Variants in GLIS2 observed in about 807,000 individuals in gnomAD.
The protein encoded by GLIS2 is zinc finger protein GLIS2.
In GLIS2, 14 loss-of-function variants were observed where a neutral mutation model predicts 35.6. The observed-to-expected ratio is 0.39, with a 90% CI of 0.26 to 0.61. The LOEUF is 0.61. Among genes scored for constraint, GLIS2 ranks in the 20% least tolerant of loss-of-function variants. GLIS2 has a pLI of 0.48. For synonymous variants in GLIS2, 368 were observed against 325.1 expected, an observed-to-expected ratio of 1.13 and a Z score of -1.42; for missense variants, 675 against 713.4, an observed-to-expected ratio of 0.95 and a Z score of 0.61.
chr16:4,316,700 G>T (rs1387724190), intron 1 of GLIS2, among the ~76,000 whole-genome samples: 1 of 152,100 alleles, frequency 6.6e-6, no homozygotes, highest in African/African-American at 2.4e-5. Context: ...TTTGGAAGGT[G>T]CCTCCTCCCT....
At chr16:4,317,368 A>T (rs982800118) in intron 1 of GLIS2, among the ~76,000 whole-genome samples, 1 of 152,138 alleles carries the variant, frequency 6.6e-6, no homozygotes, top group South Asian at 2.1e-4. Context: ...CACCCTGGGT[A>T]GTAGGCCGCC....
rs1445378961 is a variant in GLIS2 at position 4,337,281 on chromosome 16, G to A, written c.1332G>A (p.Gly444=). 3.9e-6 allele frequency: 6 copies of A among 1,551,878 alleles called. No individual in the cohort carries two copies. The East Asian group carries it at 1.5e-4, about 38-fold the overall frequency. The change falls in exon 7 of 7, where the codon GGG becomes GGA. Residue 444 remains glycine (G), a synonymous_variant. Transcript: ENST00000433375. ...GCGCAGCTGGTGGCAAGGCCGAGGG[G>A]GAGAAGGGGCGTGGGTCGGTGCCCA... The part of the protein sequence containing the change: ...LAGAAGGKAE[G]EKGRGSVPTR...
At position 4,320,198 on chromosome 16, in the gene GLIS2, G is replaced by A. The variant is rs1285450300; in HGVS notation, c.-67+3944G>A. ...GGCAGATGGCTGCCGGGGAAGGGAC[G>A]GAGACCCAGCCCTGGCCCCTTCCTC... On this transcript the variant is annotated intron_variant, in intron 1 of 6. Coordinates refer to ENST00000433375, the MANE Select transcript of GLIS2 (RefSeq NM_032575.3). The surrounding 1 kb of genome is among the most constrained non-coding windows in gnomAD (Gnocchi z 5.6). Among the ~76,000 whole-genome samples the A allele has an allele frequency of 2.6e-5, 4 of 152,150 alleles. No individual in the cohort carries two copies. The highest frequency in any genetic ancestry group is 1.9e-4 in the East Asian group (1 of 5,176).
intron 1 of GLIS2, among the ~76,000 whole-genome samples, chr16:4,317,648 C>G (rs1226576797): frequency 6.6e-6 from 1 of 152,054 alleles, no homozygotes; most frequent in Non-Finnish European, 1.5e-5. Flanking sequence ...TCCTAGCTGG[C>G]CTGGCCTGCA....
At position 4,337,050 on chromosome 16, in the gene GLIS2, G is replaced by A; in HGVS notation, c.1101G>A (p.Leu367=). The change falls in exon 7 of 7, where the codon CTG becomes CTA. Residue 367 remains leucine, a synonymous_variant. Coordinates refer to ENST00000433375, the MANE Select transcript of GLIS2 (RefSeq NM_032575.3). ...CTGCCCTCTTTGGAGGCCCTGGCCT[G>A]CCCGGCTTACCCCTACCCCTGGCCC... ...NPAALFGGPG[L]PGLPLPLAPG... The A allele has an allele frequency of 6.4e-7, 1 of 1,573,972 alleles. No individual in the cohort carries two copies. Among genetic ancestry groups the A allele is most frequent in the South Asian group, 1.1e-5 (1 of 86,996 alleles).
At chr16:4,326,521 G>C (rs1348880563) in intron 1 of GLIS2, 1 of 152,224 alleles carries the variant, frequency 6.6e-6, no homozygotes, top group African/African-American at 2.4e-5. Context: ...TGGTTCTCAG[G>C]GTGGGTGCAC....
chr16:4,331,960 TCA>T (rs1177596127), intron 1 of GLIS2, among the ~76,000 whole-genome samples: 2 of 151,964 alleles, frequency 1.3e-5, no homozygotes, highest in Non-Finnish European at 2.9e-5. Context: ...CAAATAAAAT[TCA>T]GTTTCATGGC....
upstream of GLIS2, chr16:4,315,311 G>T (rs778768453): frequency 3.9e-5 from 6 of 152,224 alleles, no homozygotes; most frequent in Non-Finnish European, 7.3e-5. Context: ...GGTTTGCGCC[G>T]CCCGGCATCG....
intron 1 of GLIS2, among the ~76,000 whole-genome samples, chr16:4,327,407 G>A (rs1221305417): frequency 6.6e-6 from 1 of 152,232 alleles, no homozygotes; most frequent in East Asian, 1.9e-4. Flanking sequence ...ACCCACCCCA[G>A]GCCAAGGGGC....
At chr16:4,318,806 G>A (rs1028748954) in intron 1 of GLIS2, among the ~76,000 whole-genome samples, 2 of 152,204 alleles carry the variant, frequency 1.3e-5, no homozygotes, top group South Asian at 4.1e-4. Context: ...GTGTTTTCCC[G>A]GCAACAATTT....
intron 1 of GLIS2, among the ~76,000 whole-genome samples, chr16:4,328,047 G>C (rs1344609572): frequency 6.6e-6 from 1 of 152,322 alleles, no homozygotes; most frequent in East Asian, 1.9e-4. Context: ...GGAACGGAAG[G>C]CTCCACCAGG....
At chr16:4,327,764 G>A (rs1192227550) in intron 1 of GLIS2, among the ~76,000 whole-genome samples, 3 of 76,762 alleles carry the variant, frequency 3.9e-5, no homozygotes, top group Non-Finnish European at 7.3e-5. Flanking sequence ...GGTGGTCCCC[G>A]CGGCCGCCCC....
rs1220690871 is a variant in GLIS2, at chr16:4,332,574, G to A, written c.172+122G>A. 16 of 1,163,654 alleles carry A rather than the reference G, an allele frequency of 1.4e-5. No homozygotes were observed. The highest frequency in any genetic ancestry group is 1.7e-5 in the Non-Finnish European group (14 of 815,676). The allele number at this position is 1,163,654 out of a possible 1,614,324, so 72.1% of individuals were successfully genotyped here. A position where few individuals can be genotyped will look rare whatever the true frequency, so the allele number is the denominator to read the frequency against. On this transcript the variant is annotated intron_variant, in intron 2 of 6. Transcript: ENST00000433375. This position sits in a 1 kb window ranked among gnomAD's most constrained non-coding sequence, Gnocchi z 5.4. ...CCTCTCGGCTTCCGGTTCATGGGAA[G>A]CCCGCACGCTTGTCCTTCCATCCGC... is the stretch of plus-strand genomic sequence containing the variant.
chr16:4,322,534 G>T (rs373539735), intron 1 of GLIS2, among the ~76,000 whole-genome samples: 2 of 152,198 alleles, frequency 1.3e-5, no homozygotes, highest in South Asian at 4.1e-4. Context: ...ACCGGGCGCC[G>T]ACCCGCAGGG....
Position 4,335,204 on chromosome 16 carries a change from GGA to G in GLIS2, c.656+17_656+18del, listed in dbSNP as rs761100838. On this transcript the variant is annotated intron_variant, in intron 5 of 6. Coordinates refer to ENST00000433375, the MANE Select transcript of GLIS2 (RefSeq NM_032575.3). The surrounding 1 kb of genome is among the most constrained non-coding windows in gnomAD (Gnocchi z 4.6). ...AGGTTTCAACGCCAGGTGAGGTGGG[GGA>G]GAGAGGGGTAGAGGGAGGACTGGGG... The G allele has an allele frequency of 3.5e-5, 57 of 1,613,454 alleles. No homozygotes were observed. The highest frequency in any genetic ancestry group is 2.4e-4 in the South Asian group (22 of 91,092).
At chr16:4,323,395 C>G (rs147381081) in intron 1 of GLIS2, among the ~76,000 whole-genome samples, 6 of 152,316 alleles carry the variant, frequency 3.9e-5, no homozygotes, top group South Asian at 4.1e-4. Context: ...AAGCACCCCC[C>G]CAAAGCTGGG....
chr16:4,326,128 C>A (rs768133638), intron 1 of GLIS2, among the ~76,000 whole-genome samples: 9 of 151,744 alleles, frequency 5.9e-5, no homozygotes, highest in Non-Finnish European at 1.0e-4. Context: ...GCCTGTAGTC[C>A]CAGCAACTCA....
chr16:4,336,349 G>A (rs1375619863), intron 6 of GLIS2: 1 of 426,946 alleles, frequency 2.3e-6, no homozygotes, highest in Non-Finnish European at 4.4e-6. Flanking sequence ...GTCTCACCAT[G>A]TTGGCCCTGC....
chr16:4,322,487 T>C (rs1169696808), intron 1 of GLIS2, among the ~76,000 whole-genome samples: 1 of 151,898 alleles, frequency 6.6e-6, no homozygotes, highest in Admixed American at 6.6e-5. Context: ...ATTCGCGGGG[T>C]CATCAGGGTG....
Sources: gnomAD v4.1 joint callset for allele counts (sites outside exome capture counted in the v4.1 genomes callset) on GRCh38, gnomAD v4.1.1 for gene constraint, Gnocchi (gnomAD v3.1) non-coding constraint, MANE v1.5 for transcripts, NCBI Gene and HGNC (gene_info 2026-07-23, HGNC 2026-07-21) for gene names.